TMEM131: variants seen among roughly 807,000 people sequenced by gnomAD.
The protein encoded by TMEM131 is transmembrane protein 131, also known as 2610524E03Rik.
TMEM131 carries 66 observed loss-of-function variants against 211.6 expected under a neutral mutation model. The observed-to-expected ratio is 0.31, with a 90% CI of 0.26 to 0.38. TMEM131 has a LOEUF of 0.38. TMEM131 is among the 10% of genes least tolerant of loss of function. The pLI is 1.00. For synonymous variants in TMEM131, 844 were observed against 841.3 expected (o/e 1.00, Z -0.06); for missense variants, 2,036 against 2,299.3 (o/e 0.89, Z 2.34).
chr2:97,796,783 T>C (rs748553298), intron 27 of TMEM131, 61 bp downstream of exon 27: 16 of 1,536,918 alleles, frequency 1.0e-5, no homozygotes, highest in Non-Finnish European at 1.3e-5. Context: ...GTTTTTGAAA[T>C]TATTTACTGT....
intron 31 of TMEM131, among the ~76,000 whole-genome samples, chr2:97,782,500 CAAACA>C (rs1009209420): frequency 2.6e-5 from 4 of 152,072 alleles, no homozygotes; most frequent in African/African-American, 9.7e-5. Context: ...AATGAAAACA[CAAACA>C]AAACAATAAA....
intron 11 of TMEM131, among the ~76,000 whole-genome samples, chr2:97,824,750 G>A (rs1009625519): frequency 2.0e-5 from 3 of 152,170 alleles, no homozygotes; most frequent in Non-Finnish European, 2.9e-5. Flanking sequence ...CCTTATCAAA[G>A]GCAATATCCC....
At chr2:97,898,076 T>G (rs1002531923) in intron 3 of TMEM131, among the ~76,000 whole-genome samples, 1 of 152,140 alleles carries the variant, frequency 6.6e-6, no homozygotes. Flanking sequence ...TGATTTTTTT[T>G]GTCTGCCTTT....
chr2:97,850,318 T>C (rs967609172), intron 5 of TMEM131, among the ~76,000 whole-genome samples: 1 of 152,194 alleles, frequency 6.6e-6, no homozygotes, highest in Admixed American at 6.5e-5. Flanking sequence ...AGAAAACTTA[T>C]GTGAGTCATT....
chr2:97,852,895 T>A (rs1177938311), intron 5 of TMEM131, among the ~76,000 whole-genome samples: 1 of 152,222 alleles, frequency 6.6e-6, no homozygotes, highest in Non-Finnish European at 1.5e-5. Context: ...CTAGAGACCT[T>A]AAGAACTGTG....
chr2:97,759,140 C>A, intron 39 of TMEM131, 87 bp from the exon 40 acceptor site: 2 of 1,524,398 alleles, frequency 1.3e-6, no homozygotes, highest in South Asian at 1.2e-5. Context: ...TGGCATACCT[C>A]CAACCACTGC....
intron 30 of TMEM131, 32 bp downstream of exon 30, chr2:97,793,363 C>G: frequency 1.3e-6 from 2 of 1,591,880 alleles, no homozygotes; most frequent in Non-Finnish European, 1.7e-6. Flanking sequence ...TCTATGTACA[C>G]TAGGGAATTT....
In TMEM131 at chr2:97,812,714, G is replaced by A. The variant is rs372794168; in HGVS notation, c.1653C>T (p.Phe551=). ...TAGCACTCAGTACTCCAAAATCTAT[G>A]AAACGTTCCTCTATTTTGGGGGGCA... ...FVLPPKIEER[F]IDFGVLSATE... The change falls in exon 16 of 41, where the codon TTC becomes TTT. Residue 551 remains phenylalanine, a synonymous_variant. Transcript: ENST00000186436. 7.7e-5 allele frequency: 122 copies of A among 1,592,056 alleles called. No individual in the cohort carries two copies. The highest frequency in any genetic ancestry group is 9.8e-5 in the Non-Finnish European group (115 of 1,173,574).
At chr2:97,831,782 G>T (rs2105055879) in intron 11 of TMEM131, among the ~76,000 whole-genome samples, 1 of 140,936 alleles carries the variant, frequency 7.1e-6, no homozygotes, top group Non-Finnish European at 1.5e-5. Flanking sequence ...CAATTCTCCT[G>T]CTTCAGCTTG....
rs1034399069 is a variant in TMEM131 at position 97,796,885 on chromosome 2, C to G, written c.2972G>C (p.Arg991Pro). The G allele has an allele frequency of 6.2e-7, 1 of 1,613,794 alleles. No homozygotes were observed. Among genetic ancestry groups the G allele is most frequent in the Non-Finnish European group, 8.5e-7 (1 of 1,179,850 alleles). The change falls in exon 27 of 41, where the codon CGC becomes CCC. Residue 991 changes from arginine (R) to proline (P), a missense_variant. Around this residue, in one of 3 missense-constraint regions of TMEM131, gnomAD observed 1,623 missense variants for 1,805.9 expected, o/e 0.90. Transcript: ENST00000186436. ...GKLPGPGSSL[R>P]FKITEALLKD... is the part of the protein sequence containing the mutation. The stretch of plus-strand genomic sequence containing the variant: ...TAACAATGCTTCCGTGATTTTAAAG[C>G]GTAAGGAGCTTCCTGGACCTGGAAG...
intron 1 of TMEM131, among the ~76,000 whole-genome samples, chr2:97,964,259 G>A (rs984703086): frequency 2.6e-5 from 4 of 152,204 alleles, no homozygotes; most frequent in African/African-American, 9.7e-5. Context: ...AGGAAATTAG[G>A]AGAAATGTTA....
intron 38 of TMEM131, chr2:97,760,379 T>C (rs1678761836): frequency 1.7e-6 from 1 of 579,068 alleles, no homozygotes; most frequent in Admixed American, 3.0e-5. Flanking sequence ...GGGTGCCCCC[T>C]TTCTCTATCT....
intron 1 of TMEM131, among the ~76,000 whole-genome samples, chr2:97,936,589 C>G (rs527282440): frequency 1.3e-5 from 2 of 152,296 alleles, no homozygotes; most frequent in Admixed American, 1.3e-4. Context: ...TGAAGCTCAC[C>G]ACACGGAGAC....
In TMEM131 at chr2:97,796,307, A is replaced by G. The variant is rs2104902520; in HGVS notation, c.3111T>C (p.Ser1037=). The G allele has an allele frequency of 6.4e-7, 1 of 1,561,872 alleles. No individual in the cohort carries two copies. Among genetic ancestry groups the G allele is most frequent in the East Asian group, 2.3e-5 (1 of 43,228 alleles). ...LQIHIETIEI[S]GYSCEGYGFK... ...AGCCATATCCTTCACATGAGTATCC[A>G]CTGATTTCAATGGTTTCTATGTGAA... Residue 1037 remains serine (S), a synonymous_variant, in exon 28 of 41, where the codon AGT becomes AGC. Transcript: ENST00000186436.
chr2:97,775,863 TGTCAGG>T lies in TMEM131; in HGVS notation c.4294_4299del (p.Pro1432_Asp1433del). On this transcript the variant is annotated inframe_deletion, in exon 32 of 41. Transcript: ENST00000186436. ...CGTACCTCCTTGAGGAGCGGTTCTG[TGTCAGG>T]GTTGGAGGTCTCTGTGGTGGTGGAG... 6.2e-7 allele frequency: 1 copy of T among 1,613,610 alleles called. No individual in the cohort carries two copies.
At chr2:97,833,993 C>T (rs1381164080) in intron 10 of TMEM131, among the ~76,000 whole-genome samples, 2 of 152,128 alleles carry the variant, frequency 1.3e-5, no homozygotes, top group Admixed American at 1.3e-4. Flanking sequence ...TGAAGTCAGA[C>T]ATTACTAATC....
At chr2:97,874,686 T>C (rs1216513307) in intron 4 of TMEM131, among the ~76,000 whole-genome samples, 3 of 152,172 alleles carry the variant, frequency 2.0e-5, no homozygotes, top group Non-Finnish European at 4.4e-5. Flanking sequence ...AGATATTCTG[T>C]CACCACCAGG....
intron 31 of TMEM131, among the ~76,000 whole-genome samples, chr2:97,787,507 C>T (rs1395916586): frequency 6.6e-6 from 1 of 152,218 alleles, no homozygotes; most frequent in Non-Finnish European, 1.5e-5. Flanking sequence ...GTGCTGGCAT[C>T]ACACTTACGG....
intron 2 of TMEM131, among the ~76,000 whole-genome samples, chr2:97,915,526 G>C (rs1054893181): frequency 3.9e-5 from 6 of 152,000 alleles, no homozygotes; most frequent in Non-Finnish European, 1.5e-5. Context: ...TATTTTACTA[G>C]AGACAAGGTC....
Sources: allele counts gnomAD v4.1 joint callset (sites outside exome capture counted in the v4.1 genomes callset), GRCh38; gene constraint gnomAD v4.1.1; regional missense constraint gnomAD v4.1.1; transcripts MANE v1.5; gene names NCBI Gene and HGNC (gene_info 2026-07-23, HGNC 2026-07-21).